ZBTB25: variants seen among roughly 807,000 people sequenced by gnomAD.
The protein encoded by ZBTB25 is zinc finger and BTB domain containing 25, also known as zinc finger and BTB domain-containing protein 25.
A neutral mutation model predicts 34.2 loss-of-function variants in ZBTB25; 20 were observed. The observed-to-expected ratio is 0.58, with a 90% confidence interval of 0.41 to 0.85. ZBTB25 has a LOEUF of 0.85. ZBTB25 is among the 40% of genes least tolerant of loss of function. The probability of loss-of-function intolerance (pLI) is 0.00; values close to 1 mark genes in which losing one functional copy is unlikely to be tolerated. For synonymous variants in ZBTB25, 175 were observed against 186.4 expected, an observed-to-expected ratio of 0.94 and a Z score of 0.50; for missense variants, 437 against 521.8, an observed-to-expected ratio of 0.84 and a Z score of 1.58.
intron 2 of ZBTB25, chr14:64,470,019 T>C (rs965814767): frequency 8.3e-5 from 16 of 192,458 alleles, no homozygotes; most frequent in Non-Finnish European, 1.2e-5. Flanking sequence ...TAATGACCTC[T>C]GATATAACAA....
chr14:64,449,169 T>C lies in ZBTB25; in HGVS notation c.*382A>G, dbSNP rs1339634868. Reference sequence around the variant, plus strand: ...CTGGGAATTTTCCAAGTATTTTACATGGATTTACCATCTGAGTCTCATAAC... The same window carrying C: ...CTGGGAATTTTCCAAGTATTTTACACGGATTTACCATCTGAGTCTCATAAC... On this transcript the variant is annotated 3_prime_UTR_variant, in exon 3 of 3. Coordinates refer to the ZBTB25 transcript ENST00000555220. 2.1e-5 allele frequency: 10 copies of C among 481,088 alleles called. No homozygotes were observed. In the East Asian group the frequency reaches 4.1e-4, roughly 20 times the overall value. The allele number at this position is 481,088 out of a possible 1,614,324, so 29.8% of individuals were successfully genotyped here. A position where few individuals can be genotyped will look rare whatever the true frequency, so the allele number is the denominator to read the frequency against.
In ZBTB25 at chr14:64,481,002, G is replaced by A. The variant is rs138513357; in HGVS notation, c.*5921C>T. On this transcript the variant is annotated 3_prime_UTR_variant, in exon 3 of 3. Transcript: ENST00000608382. ...GGCTGGAGTGCAATGGCGCAATCTCGGCTCACTGCAACCTCCATCTCCCGG... is the reference window on the plus strand; with the variant it reads ...GGCTGGAGTGCAATGGCGCAATCTCAGCTCACTGCAACCTCCATCTCCCGG... 931 of 151,008 alleles carry A rather than the reference G, an allele frequency of 6.2e-3. 14 individuals are homozygous for A. The highest frequency in any genetic ancestry group is 6.0e-3 in the Admixed American group (90 of 15,036). The allele number at this position is 151,008 out of a possible 1,614,324, so 9.4% of individuals were successfully genotyped here. A position where few individuals can be genotyped will look rare whatever the true frequency, so the allele number is the denominator to read the frequency against.
intron 1 of ZBTB25, among the ~76,000 whole-genome samples, chr14:64,499,986 C>T (rs12050358): frequency 0.23 from 34,958 of 152,064 alleles, 4,670 homozygotes; most frequent in Non-Finnish European, 0.31. Context: ...CCCATCTAAC[C>T]AACATTACAT....
intron 1 of ZBTB25, among the ~76,000 whole-genome samples, chr14:64,492,915 A>C (rs1045633346): frequency 2.0e-5 from 3 of 152,246 alleles, no homozygotes; most frequent in African/African-American, 7.2e-5. Flanking sequence ...TCAAACCATA[A>C]TTATAATATG....
Position 64,498,734 on chromosome 14 carries a change from C to T in ZBTB25, c.-8+4927G>A, listed in dbSNP as rs546507532. ...CTGCAAGCTCCGCCTCCCGGGTTCGCGCCATTCTCCTGCCTCAGCCTCCCG... is the reference window on the plus strand; with the variant it reads ...CTGCAAGCTCCGCCTCCCGGGTTCGTGCCATTCTCCTGCCTCAGCCTCCCG... On this transcript the variant is annotated intron_variant, in intron 1 of 2. Coordinates refer to ENST00000608382, the MANE Select transcript of ZBTB25 (RefSeq NM_006977.5). 3.3e-5 allele frequency among the ~76,000 whole-genome samples: 5 copies of T among 151,972 alleles called. 1 individual carries two copies. The South Asian group carries it at 1.0e-3, about 32-fold the overall frequency.
At chr14:64,492,628 C>T (rs761523517) in intron 1 of ZBTB25, among the ~76,000 whole-genome samples, 3 of 151,576 alleles carry the variant, frequency 2.0e-5, no homozygotes, top group South Asian at 2.1e-4. Context: ...ACCAAACCCT[C>T]GGATCATAAA....
Position 64,458,208 on chromosome 14 carries a change from T to A in ZBTB25, c.174-8570A>T, listed in dbSNP as rs2078506200. The A allele has an allele frequency of 3.7e-6, 6 of 1,600,948 alleles. No individual in the cohort carries two copies. Among genetic ancestry groups the A allele is most frequent in the Admixed American group, 1.7e-5 (1 of 60,006 alleles). On this transcript the variant is annotated intron_variant, in intron 2 of 2. Transcript: ENST00000555220. ...AGTTTATTTGTAATGCTTTTTTACA[T>A]CCTAGATGAGCACAATGCCTGGACT...
intron 2 of ZBTB25, chr14:64,470,659 A>G (rs1156381913): frequency 6.0e-6 from 1 of 166,784 alleles, no homozygotes; most frequent in Non-Finnish European, 1.5e-5. Context: ...ACTAAGTGCA[A>G]AAGTGTAGAA....
chr14:64,498,307 CTTT>C (rs1233142412), intron 1 of ZBTB25, among the ~76,000 whole-genome samples: 4 of 138,656 alleles, frequency 2.9e-5, no homozygotes, highest in Non-Finnish European at 1.6e-5. Flanking sequence ...GGCACAGATT[CTTT>C]TTTTTTTTTT....
chr14:64,477,388 T>C (rs938959647), downstream of ZBTB25, among the ~76,000 whole-genome samples: 2 of 152,130 alleles, frequency 1.3e-5, no homozygotes, highest in African/African-American at 4.8e-5. Flanking sequence ...TTTAAGATTT[T>C]AAAAAAAGGA....
rs889004579 is a variant in ZBTB25 at position 64,485,129 on chromosome 14, C to T, written c.*1794G>A. 8 of 985,444 alleles carry T rather than the reference C, an allele frequency of 8.1e-6. No homozygotes were observed. Among genetic ancestry groups the T allele is most frequent in the Non-Finnish European group, 9.6e-6 (8 of 829,938 alleles). 61.0% of individuals were successfully genotyped at this position (985,444 alleles called of 1,614,324 possible). The stretch of plus-strand genomic sequence containing the variant: ...TTCAATCCTCAAGAAAAACTTACCA[C>T]TTTGTAATTTACCTAAACTGTTTAC... On this transcript the variant is annotated 3_prime_UTR_variant, in exon 3 of 3. Transcript: ENST00000608382.
rs1390579474 is a variant in ZBTB25, at chr14:64,449,349, C to T, written c.*202G>A. On this transcript the variant is annotated 3_prime_UTR_variant, in exon 3 of 3. Coordinates refer to the ZBTB25 transcript ENST00000555220. ...AATTTCTTGGTTAGTGTTCGTTTAT[C>T]AGTGGGTAATTCACATGAGGTTTAA... is the stretch of plus-strand genomic sequence containing the variant. 27 of 1,392,572 alleles carry T rather than the reference C, an allele frequency of 1.9e-5. No homozygotes were observed. The East Asian group carries it at 3.9e-4, about 20-fold the overall frequency. 86.3% of individuals were successfully genotyped at this position (1,392,572 alleles called of 1,614,324 possible).
chr14:64,503,839 G>T (rs1487355823), upstream of ZBTB25: 3 of 154,856 alleles, frequency 1.9e-5, no homozygotes, highest in African/African-American at 7.2e-5. Flanking sequence ...GGGGAAAGAG[G>T]GGCGCCAGGG....
At position 64,500,454 on chromosome 14, in the gene ZBTB25, C is replaced by CAAAAAAAAA. The variant is rs374975040; in HGVS notation, c.-8+3198_-8+3206dup. Among the ~76,000 whole-genome samples, 90 of 51,566 alleles carry CAAAAAAAAA rather than the reference C, an allele frequency of 1.7e-3. 1 individual carries two copies. The highest frequency in any genetic ancestry group is 5.2e-3 in the African/African-American group (63 of 12,058). The allele number at this position is 51,566 out of a possible 152,430, so 33.8% of individuals were successfully genotyped here. A position where few individuals can be genotyped will look rare whatever the true frequency, so the allele number is the denominator to read the frequency against. On this transcript the variant is annotated intron_variant, in intron 1 of 2. Coordinates refer to ENST00000608382, the MANE Select transcript of ZBTB25 (RefSeq NM_006977.5). ...CTAAGCACTTTTTCTCCCAATAAAGCAAAAAAAAAAAAAAAAAAAAAAGAG... is the reference window on the plus strand; with the variant it reads ...CTAAGCACTTTTTCTCCCAATAAAGCAAAAAAAAAAAAAAAAAAAAAAAAAAAAAAAGAG...
At chr14:64,449,378 C>T in exon 3 of ZBTB25, 1 of 1,574,864 alleles carries the variant, frequency 6.3e-7, no homozygotes, top group African/African-American at 1.3e-5. Flanking sequence ...GGTTTAATGG[C>T]AAAAAGAAGA....
intron 1 of ZBTB25, among the ~76,000 whole-genome samples, chr14:64,500,475 AAGAG>A (rs1555345815): frequency 1.4e-5 from 1 of 70,526 alleles, no homozygotes; most frequent in African/African-American, 3.7e-5. Flanking sequence ...AAAAAAAAAA[AAGAG>A]AGAGAGAGAG....
Position 64,480,902 on chromosome 14 carries a change from A to AGTGCTG in ZBTB25, c.*6015_*6020dup, listed in dbSNP as rs2078782514. On this transcript the variant is annotated 3_prime_UTR_variant, in exon 3 of 3. Coordinates refer to ENST00000608382, the MANE Select transcript of ZBTB25 (RefSeq NM_006977.5). ...TAATCCGCCCGCCTTGGCCTCCCAA[A>AGTGCTG]GTGCTGGGATTACAGGTGTGAGCCA... The AGTGCTG allele has an allele frequency of 6.7e-6, 1 of 149,454 alleles. No homozygotes were observed. The highest frequency in any genetic ancestry group is 2.1e-4 in the South Asian group (1 of 4,762). 9.3% of individuals were successfully genotyped at this position (149,454 alleles called of 1,614,324 possible). A position where few individuals can be genotyped will look rare whatever the true frequency, so the allele number is the denominator to read the frequency against.
rs1052504192 is a variant in ZBTB25, at chr14:64,503,686, G to C, written c.-33C>G. 8.0e-6 allele frequency: 7 copies of C among 872,966 alleles called. No individual in the cohort carries two copies. The highest frequency in any genetic ancestry group is 1.8e-5 in the African/African-American group (1 of 55,028). The allele number at this position is 872,966 out of a possible 1,614,324, so 54.1% of individuals were successfully genotyped here. ...CCAGATGCCGCCGCGGCGGCAGGCC[G>C]ACTCCTCCGTGCAGGAGGGGCGGGC... On this transcript the variant is annotated 5_prime_UTR_variant, in exon 1 of 3. Transcript: ENST00000608382.
rs28766386 is a variant in ZBTB25 at position 64,479,679 on chromosome 14, T to C, written c.*7244A>G. ...TTGAGCTGCAATTATCGGTCTTTTC[T>C]TCCCTTTGGACCCAAATGGAAACAT... On this transcript the variant is annotated 3_prime_UTR_variant, in exon 3 of 3. Transcript: ENST00000608382. 0.27 allele frequency: 40,641 copies of C among 152,132 alleles called. 5,713 individuals carry two copies. Among genetic ancestry groups the C allele is most frequent in the East Asian group, 0.41 (2,132 of 5,164 alleles). The allele number at this position is 152,132 out of a possible 1,614,324, so 9.4% of individuals were successfully genotyped here.
Sources: gnomAD v4.1 joint callset for allele counts (sites outside exome capture counted in the v4.1 genomes callset) on GRCh38, gnomAD v4.1.1 for gene constraint, MANE v1.5 for transcripts, NCBI Gene and HGNC (gene_info 2026-07-23, HGNC 2026-07-21) for gene names.